Variants in CDH23 observed in about 807,000 individuals in gnomAD.
The protein encoded by CDH23 is cadherin-23.
In CDH23, 189 loss-of-function variants were observed where a neutral mutation model predicts 317.1. That is an observed-to-expected ratio of 0.60 (90% CI 0.53 to 0.67). The LOEUF (loss-of-function observed/expected upper bound fraction) is 0.67. Among genes scored for constraint, CDH23 ranks in the 30% least tolerant of loss-of-function variants. The probability of loss-of-function intolerance (pLI) is 0.00; values close to 1 mark genes in which losing one functional copy is unlikely to be tolerated. For missense variants in CDH23, 4,401 were observed against 4,592.4 expected, an observed-to-expected ratio of 0.96 and a Z score of 1.20; for synonymous variants, 1,839 against 1,876.8, an observed-to-expected ratio of 0.98 and a Z score of 0.52.
At chr10:71,505,674 A>G (rs1589144875) in intron 3 of CDH23, among the ~76,000 whole-genome samples, 1 of 152,054 alleles carries the variant, frequency 6.6e-6, no homozygotes, top group Admixed American at 6.5e-5. Flanking sequence ...TGCTGCGGAG[A>G]CCCAGCCAGC....
At chr10:71,717,483 TC>T (rs1398540974) in intron 28 of CDH23, 1 of 152,286 alleles carries the variant, frequency 6.6e-6, no homozygotes, top group Non-Finnish European at 1.5e-5. Context: ...GCATTTCCTT[TC>T]CCACTGAAGA....
chr10:71,457,734 T>C (rs1230616689), intron 3 of CDH23, among the ~76,000 whole-genome samples: 6 of 152,246 alleles, frequency 3.9e-5, no homozygotes, highest in Non-Finnish European at 8.8e-5. Context: ...GTTCAGCCCT[T>C]GCTTCCCTGT....
rs563684182 is a variant in CDH23, at chr10:71,410,093, G to A, written c.-6+12775G>A. ...CAATTTAATTAATCATTACTCATCT[G>A]TGTCTTGTTTTCTCTTCCGCAAAAT... On this transcript the variant is annotated intron_variant, in intron 1 of 69. Coordinates refer to ENST00000224721, the MANE Select transcript of CDH23 (RefSeq NM_022124.6). Among the ~76,000 whole-genome samples, 5 of 152,286 alleles carry A rather than the reference G, an allele frequency of 3.3e-5. No individual in the cohort carries two copies. In the South Asian group the frequency reaches 8.3e-4, roughly 25 times the overall value.
At chr10:71,624,255 C>T (rs1861604457) in intron 11 of CDH23, among the ~76,000 whole-genome samples, 2 of 152,194 alleles carry the variant, frequency 1.3e-5, no homozygotes, top group Admixed American at 6.5e-5. Flanking sequence ...TGTCCCCAAC[C>T]CCAGCCTGCC....
Position 71,545,955 on chromosome 10 carries a change from G to A in CDH23, c.430-20787G>A, listed in dbSNP as rs911416402. 4.6e-5 allele frequency among the ~76,000 whole-genome samples: 7 copies of A among 152,108 alleles called. No homozygotes were observed. In the East Asian group the frequency reaches 7.7e-4, roughly 17 times the overall value. On this transcript the variant is annotated intron_variant, in intron 6 of 69. Coordinates refer to ENST00000224721, the MANE Select transcript of CDH23 (RefSeq NM_022124.6). ...GACATCTGGGGTGGTATAGACACCCGAGGGAAGTACCAGGGCCAAACAGAA... is the reference window on the plus strand; with the variant it reads ...GACATCTGGGGTGGTATAGACACCCAAGGGAAGTACCAGGGCCAAACAGAA...
rs368848049 is a variant in CDH23, at chr10:71,785,041, C to T, written c.5653C>T (p.Arg1885Cys). The change falls in exon 43 of 70, where the codon CGC (arginine) becomes TGC (cysteine). Residue 1885 changes from arginine (R) to cysteine (C), a missense_variant. By Grantham distance (180) the Arg-to-Cys change is radical (BLOSUM62 -3). Transcript: ENST00000224721. Reference sequence around the variant, plus strand: ...TGACGCTGACAGTGGCTGCAATGCACGCCTCACCTTCAACATCACTGCGGG... The same window carrying T: ...TGACGCTGACAGTGGCTGCAATGCATGCCTCACCTTCAACATCACTGCGGG... ...ASDADSGCNA[R>C]LTFNITAGNR... 40 of 1,613,980 alleles carry T rather than the reference C, an allele frequency of 2.5e-5. No homozygotes were observed. The highest frequency in any genetic ancestry group is 1.6e-4 in the Middle Eastern group (1 of 6,084).
rs114338332 is a variant in CDH23, at chr10:71,684,855, G to A, written c.1986+2283G>A. On this transcript the variant is annotated intron_variant, in intron 18 of 69. Coordinates refer to ENST00000224721, the MANE Select transcript of CDH23 (RefSeq NM_022124.6). ...AAGTTAAGTGTTCTGGCTAGCCCGG[G>A]GCTAGACAGGCCTAAGTAGCGAAAT... Among the ~76,000 whole-genome samples the A allele has an allele frequency of 6.2e-3, 938 of 152,246 alleles. 11 individuals are homozygous for A. The highest frequency in any genetic ancestry group is 0.021 in the African/African-American group (887 of 41,528).
At chr10:71,408,074 A>T (rs1564562080) in intron 1 of CDH23, among the ~76,000 whole-genome samples, 2 of 152,174 alleles carry the variant, frequency 1.3e-5, no homozygotes. Context: ...GATTTACGAG[A>T]TATATACAGT....
intron 50 of CDH23, 52 bp downstream of exon 50, chr10:71,798,630 C>G: frequency 7.1e-7 from 1 of 1,410,400 alleles, no homozygotes. Flanking sequence ...TCTCTGCTTG[C>G]TTAGTCCCCA....
At chr10:71,794,133 C>T (rs1343823474) in intron 48 of CDH23, among the ~76,000 whole-genome samples, 1 of 152,130 alleles carries the variant, frequency 6.6e-6, no homozygotes, top group Non-Finnish European at 1.5e-5. Context: ...TCCCGAGTAG[C>T]TGAGATTACA....
At chr10:71,759,133 G>C (rs1414317525) in intron 38 of CDH23, among the ~76,000 whole-genome samples, 1 of 152,052 alleles carries the variant, frequency 6.6e-6, no homozygotes, top group African/African-American at 2.4e-5. Context: ...TGACTCCCGG[G>C]TTCAAGCGAT....
chr10:71,567,743 C>G (rs1285843490), intron 7 of CDH23, among the ~76,000 whole-genome samples: 6 of 152,254 alleles, frequency 3.9e-5, no homozygotes, highest in South Asian at 2.1e-4. Context: ...GGTCCTCCCC[C>G]TACCCGCCCC....
chr10:71,661,945 G>A (rs915955127), intron 14 of CDH23, among the ~76,000 whole-genome samples: 6 of 145,728 alleles, frequency 4.1e-5, no homozygotes, highest in Admixed American at 1.4e-4. Flanking sequence ...CACCCTGCGC[G>A]CACACACACA....
chr10:71,532,730 T>G (rs1855466767), intron 6 of CDH23, among the ~76,000 whole-genome samples: 3 of 60,042 alleles, frequency 5.0e-5, no homozygotes, highest in African/African-American at 7.4e-5. Flanking sequence ...TTTTTTTGTT[T>G]TTTTTTTTTT....
At chr10:71,788,296 C>T (rs1474305085) in intron 44 of CDH23, among the ~76,000 whole-genome samples, 1 of 152,014 alleles carries the variant, frequency 6.6e-6, no homozygotes, top group Admixed American at 6.6e-5. Flanking sequence ...GTGATCCGCC[C>T]ACCTCAGACT....
chr10:71,805,998 G>C lies in CDH23; in HGVS notation c.8064+1G>C. ...CCGCGAGTCGCAGGCGGTGTACAGCGTAAGGGCGGGGCCCGGTGCGAGGGG... is the reference window on the plus strand; with the variant it reads ...CCGCGAGTCGCAGGCGGTGTACAGCCTAAGGGCGGGGCCCGGTGCGAGGGG... On this transcript the variant is annotated splice_donor_variant, in intron 56 of 69. Coordinates refer to ENST00000224721, the MANE Select transcript of CDH23 (RefSeq NM_022124.6). LOFTEE classifies it high-confidence loss of function. The C allele has an allele frequency of 1.1e-6, 1 of 946,106 alleles. No individual in the cohort carries two copies. Among genetic ancestry groups the C allele is most frequent in the Admixed American group, 1.9e-5 (1 of 51,446 alleles). 58.6% of individuals were successfully genotyped at this position (946,106 alleles called of 1,614,324 possible). A position where few individuals can be genotyped will look rare whatever the true frequency, so the allele number is the denominator to read the frequency against.
chr10:71,682,236 A>G (rs186734268), intron 17 of CDH23, among the ~76,000 whole-genome samples: 4 of 152,320 alleles, frequency 2.6e-5, no homozygotes, highest in East Asian at 1.9e-4. Flanking sequence ...ACCACCAGCT[A>G]TCACCTGGTG....
At chr10:71,554,067 A>C (rs950841222) in intron 6 of CDH23, among the ~76,000 whole-genome samples, 1 of 152,208 alleles carries the variant, frequency 6.6e-6, no homozygotes, top group Non-Finnish European at 1.5e-5. Context: ...CAGCCCCGTG[A>C]GGTAATAGCA....
At chr10:71,494,801 C>T (rs1201305000) in intron 3 of CDH23, among the ~76,000 whole-genome samples, 4 of 152,180 alleles carry the variant, frequency 2.6e-5, no homozygotes, top group South Asian at 4.1e-4. Context: ...CCTGCTACCC[C>T]GGCACCCATA....
Sources: gnomAD v4.1 joint callset for allele counts (sites outside exome capture counted in the v4.1 genomes callset) on GRCh38, gnomAD v4.1.1 for gene constraint, MANE v1.5 for transcripts, NCBI Gene and HGNC (gene_info 2026-07-23, HGNC 2026-07-21) for gene names.